The following NF1 variants were observed in gnomAD, a reference collection of about 807,000 sequenced individuals.
The protein encoded by NF1 is neurofibromin.
In NF1, 122 loss-of-function variants were observed where a neutral mutation model predicts 325.7. The ratio of observed to expected loss-of-function variants is 0.37; its 90% CI spans 0.32 to 0.44. The LOEUF is 0.44. NF1 is among the 20% of genes least tolerant of loss of function. The pLI is 1.00. For missense variants in NF1, 2,140 were observed against 3,415.4 expected (o/e 0.63, Z 9.31); for synonymous variants, 1,091 against 1,186.0 (o/e 0.92, Z 1.65).
chr17:31,270,840 G>A (rs573778198), intron 36 of NF1, among the ~76,000 whole-genome samples: 4 of 152,090 alleles, frequency 2.6e-5, no homozygotes, highest in East Asian at 3.8e-4. Context: ...ATTAATTGAC[G>A]TACGTATAAA....
intron 12 of NF1, 51 bp from the exon 13 acceptor site, chr17:31,214,400 G>A (rs757726630): frequency 1.4e-6 from 2 of 1,401,260 alleles, no homozygotes; most frequent in Admixed American, 1.9e-5. Flanking sequence ...AGGTTGGATA[G>A]CTATTATCCT....
intron 36 of NF1, 117 bp from the exon 37 acceptor site, chr17:31,325,703 A>G: frequency 3.7e-6 from 3 of 806,384 alleles, no homozygotes; most frequent in South Asian, 3.4e-5. Context: ...ACTTTGAAGA[A>G]TTGTTTTATA....
Position 31,108,465 on chromosome 17 carries a change from A to G in NF1, c.60+13096A>G, listed in dbSNP as rs540228636. On this transcript the variant is annotated intron_variant, in intron 1 of 57. Coordinates refer to ENST00000358273, the MANE Select transcript of NF1 (RefSeq NM_001042492.3). ...AATTTTTTGTATTTTTTGTAGAGAC[A>G]GGGTTTTGTCATATTGTGCAGGTTG... Among the ~76,000 whole-genome samples, 8 of 151,870 alleles carry G rather than the reference A, an allele frequency of 5.3e-5. No homozygotes were observed. In the East Asian group the frequency reaches 1.6e-3, roughly 29 times the overall value.
chr17:31,177,407 A>C (rs184996514), intron 5 of NF1, among the ~76,000 whole-genome samples: 121 of 139,118 alleles, frequency 8.7e-4, no homozygotes, highest in African/African-American at 3.1e-3. Context: ...AATCCACAAA[A>C]ATGGGAAGAA....
At chr17:31,335,211 T>TCA (rs1276838461) in intron 40 of NF1, among the ~76,000 whole-genome samples, 180 bp downstream of exon 40, 147 of 84,696 alleles carry the variant, frequency 1.7e-3, no homozygotes, top group African/African-American at 6.5e-3. Context: ...ATTGTAAATG[T>TCA]CTAGTGCATG....
chr17:31,116,447 A>G (rs946569898), intron 1 of NF1, among the ~76,000 whole-genome samples: 1 of 152,102 alleles, frequency 6.6e-6, no homozygotes, highest in African/African-American at 2.4e-5. Flanking sequence ...AAATGTTCAG[A>G]TAAGAGTATC....
At chr17:31,239,727 G>C (rs2067262641) in intron 29 of NF1, among the ~76,000 whole-genome samples, 1 of 151,944 alleles carries the variant, frequency 6.6e-6, no homozygotes, top group Non-Finnish European at 1.5e-5. Flanking sequence ...ATCACTTCAG[G>C]GTAAATGGGG....
chr17:31,270,152 C>T (rs1306357126), intron 36 of NF1, among the ~76,000 whole-genome samples: 1 of 152,114 alleles, frequency 6.6e-6, no homozygotes, highest in Non-Finnish European at 1.5e-5. Context: ...TATGTGTAGA[C>T]TGAGAAATGT....
At chr17:31,248,346 C>T (rs978947089) in intron 29 of NF1, among the ~76,000 whole-genome samples, 10 of 152,058 alleles carry the variant, frequency 6.6e-5, no homozygotes, top group African/African-American at 2.4e-4. Context: ...CCTCTCTCCC[C>T]CTTTTGTTGC....
At chr17:31,242,733 T>C (rs2067322104) in intron 29 of NF1, among the ~76,000 whole-genome samples, 1 of 152,212 alleles carries the variant, frequency 6.6e-6, no homozygotes, top group South Asian at 2.1e-4. Flanking sequence ...TCAAAACAGC[T>C]ATTTTGACTC....
chr17:31,228,460 A>C (rs2067053903), intron 20 of NF1, among the ~76,000 whole-genome samples: 1 of 152,080 alleles, frequency 6.6e-6, no homozygotes, highest in African/African-American at 2.4e-5. Flanking sequence ...TACATACCAT[A>C]CAGTTCACCC....
intron 1 of NF1, among the ~76,000 whole-genome samples, chr17:31,098,812 G>C (rs186053357): frequency 0.013 from 1,955 of 151,272 alleles, 40 homozygotes; most frequent in African/African-American, 0.045. Flanking sequence ...GGTGCCTGTA[G>C]TCCCAGCTAC....
chr17:31,353,290 A>G (rs2070198007), intron 51 of NF1, among the ~76,000 whole-genome samples: 1 of 152,172 alleles, frequency 6.6e-6, no homozygotes, highest in Admixed American at 6.5e-5. Flanking sequence ...TACACCTGAA[A>G]TGCTGCGAGA....
At position 31,181,801 on chromosome 17, in the gene NF1, ATTTTTT is replaced by A. The variant is rs71142032; in HGVS notation, c.730+27_730+32del. ...GATATGGCTGGTAAGGATACGATTG[ATTTTTT>A]TTTTTTTTTTGTCTTTTAAATGCCT... On this transcript the variant is annotated intron_variant, in intron 7 of 57. Transcript: ENST00000358273. 1.6e-6 allele frequency: 2 copies of A among 1,218,952 alleles called. No homozygotes were observed. The highest frequency in any genetic ancestry group is 2.3e-6 in the Non-Finnish European group (2 of 853,288). The allele number at this position is 1,218,952 out of a possible 1,614,324, so 75.5% of individuals were successfully genotyped here.
Position 31,235,907 on chromosome 17 carries a change from C to T in NF1, c.3871-11C>T, listed in dbSNP as rs184910144. Reference sequence around the variant, plus strand: ...CAGGTATAATAAACTCCTATTCGTGCATTTCTGTAGGTATATGGTGCTACC... The same window carrying T: ...CAGGTATAATAAACTCCTATTCGTGTATTTCTGTAGGTATATGGTGCTACC... On this transcript the variant is annotated splice_polypyrimidine_tract_variant and intron_variant, in intron 28 of 57. Coordinates refer to ENST00000358273, the MANE Select transcript of NF1 (RefSeq NM_001042492.3). 1.9e-5 allele frequency: 31 copies of T among 1,610,944 alleles called. No homozygotes were observed. In the East Asian group the frequency reaches 5.4e-4, roughly 28 times the overall value.
intron 30 of NF1, chr17:31,252,087 AT>A (rs1402984848): frequency 5.0e-6 from 1 of 200,510 alleles, no homozygotes; most frequent in East Asian, 7.3e-5. Flanking sequence ...TGAAACCAAT[AT>A]GTGCCTGGAG....
chr17:31,361,425 T>C (rs1008955464), intron 57 of NF1: 1 of 152,272 alleles, frequency 6.6e-6, no homozygotes, highest in African/African-American at 2.4e-5. Flanking sequence ...CATACAACTC[T>C]GGTTGACCCT....
chr17:31,169,572 G>A (rs918854185), intron 4 of NF1, among the ~76,000 whole-genome samples: 17 of 151,768 alleles, frequency 1.1e-4, no homozygotes, highest in African/African-American at 3.4e-4. Context: ...TAAGAGATAG[G>A]GCCCACTCTG....
chr17:31,335,119 A>C (rs1027237915), intron 40 of NF1, 88 bp downstream of exon 40: 2 of 1,110,362 alleles, frequency 1.8e-6, no homozygotes, highest in African/African-American at 3.1e-5. Context: ...TGCGCTAGAC[A>C]CTAGGGATAG....
Sources: allele counts gnomAD v4.1 joint callset (sites outside exome capture counted in the v4.1 genomes callset), GRCh38; gene constraint gnomAD v4.1.1; transcripts MANE v1.5; gene names NCBI Gene and HGNC (gene_info 2026-07-23, HGNC 2026-07-21).